ANKS1A: variants seen among roughly 807,000 people sequenced by gnomAD.
The protein encoded by ANKS1A is ankyrin repeat and sterile alpha motif domain containing 1A.
Under a neutral mutation model 120.3 loss-of-function variants are expected in ANKS1A, and 55 were observed. That is an observed-to-expected ratio of 0.46 (90% CI 0.37 to 0.57). The LOEUF is 0.57. Ranked by LOEUF, ANKS1A falls within the 20% of genes least tolerant of loss-of-function variation. The pLI, the probability that ANKS1A is intolerant of heterozygous loss-of-function variation, is 0.00. For missense variants in ANKS1A, 1,123 were observed against 1,480.3 expected (o/e 0.76, Z 3.96); for synonymous variants, 590 against 604.7 (o/e 0.98, Z 0.36).
chr6:35,080,865 C>A, intron 16 of ANKS1A, 129 bp from the exon 17 acceptor site: 1 of 1,139,190 alleles, frequency 8.8e-7, no homozygotes, highest in Non-Finnish European at 1.2e-6. Context: ...GTGGTGTTGG[C>A]CCCTTCGCTC....
rs1196338591 is a variant in ANKS1A at position 34,989,255 on chromosome 6, C to T, written c.1241C>T (p.Pro414Leu). 1.1e-5 allele frequency: 18 copies of T among 1,613,848 alleles called. No homozygotes were observed. Among genetic ancestry groups the T allele is most frequent in the East Asian group, 2.2e-5 (1 of 44,888 alleles). ...RERPPPPAKP[P>L]PDEEEEDHID... ...CGTCCACCACCTCCAGCAAAGCCACCGCCCGATGAAGAGGAAGAAGACCAC... is the reference window on the plus strand; with the variant it reads ...CGTCCACCACCTCCAGCAAAGCCACTGCCCGATGAAGAGGAAGAAGACCAC... Residue 414 changes from proline (P) to leucine (L), a missense_variant, in exon 9 of 24, where the codon CCG (proline) becomes CTG (leucine). By Grantham distance (98) the Pro-to-Leu change is moderately conservative (BLOSUM62 -3). Around this residue, in one of 3 missense-constraint regions of ANKS1A, gnomAD observed 904 missense variants for 1,130.4 expected, o/e 0.80. Coordinates refer to ENST00000360359, the MANE Select transcript of ANKS1A (RefSeq NM_015245.3).
At chr6:35,014,740 C>T (rs1773917744) in intron 10 of ANKS1A, among the ~76,000 whole-genome samples, 1 of 152,208 alleles carries the variant, frequency 6.6e-6, no homozygotes, top group South Asian at 2.1e-4. Context: ...CAGTAGAAGC[C>T]TGTGCTCCTT....
At chr6:34,927,430 G>A (rs1768772253) in intron 1 of ANKS1A, among the ~76,000 whole-genome samples, 1 of 152,072 alleles carries the variant, frequency 6.6e-6, no homozygotes, top group Non-Finnish European at 1.5e-5. Flanking sequence ...ATTGATAAAT[G>A]GGCACTAAAG....
Position 35,079,562 on chromosome 6 carries a change from C to T in ANKS1A, c.2330C>T (p.Ser777Phe). The part of the protein sequence containing the change: ...YDGNSPPSVP[S>F]WLDSLGLQDY... Reference sequence around the variant, plus strand: ...GGGAACAGCCCCCCTAGCGTGCCCTCCTGGCTGGACTCCCTGGGGCTGCAG... The same window carrying T: ...GGGAACAGCCCCCCTAGCGTGCCCTTCTGGCTGGACTCCCTGGGGCTGCAG... Residue 777 changes from serine (S) to phenylalanine (F), a missense_variant, in exon 15 of 24, where the codon TCC (serine) becomes TTC (phenylalanine). This residue lies in a region of ANKS1A where 904 missense variants were observed against 1,130.4 expected (regional missense o/e 0.80). Coordinates refer to ENST00000360359, the MANE Select transcript of ANKS1A (RefSeq NM_015245.3). 2.5e-6 allele frequency: 4 copies of T among 1,614,110 alleles called. No homozygotes were observed. The highest frequency in any genetic ancestry group is 3.4e-6 in the Non-Finnish European group (4 of 1,179,984).
At chr6:34,951,859 A>G (rs1770108167) in intron 1 of ANKS1A, among the ~76,000 whole-genome samples, 1 of 152,116 alleles carries the variant, frequency 6.6e-6, no homozygotes, top group Non-Finnish European at 1.5e-5. Flanking sequence ...TCTGGGACTC[A>G]TTTCCTCCCT....
At chr6:35,035,776 A>G (rs1775133953) in intron 11 of ANKS1A, among the ~76,000 whole-genome samples, 1 of 152,224 alleles carries the variant, frequency 6.6e-6, no homozygotes. Flanking sequence ...ACAGAATAAA[A>G]CAAGAGCGTT....
Position 35,058,665 on chromosome 6 carries a change from G to A in ANKS1A, c.2078-1482G>A, listed in dbSNP as rs1321056679. 1.3e-5 allele frequency: 2 copies of A among 152,404 alleles called. No individual in the cohort carries two copies. Among genetic ancestry groups the A allele is most frequent in the East Asian group, 3.9e-4 (2 of 5,192 alleles). 9.4% of individuals were successfully genotyped at this position (152,404 alleles called of 1,614,324 possible). A position where few individuals can be genotyped will look rare whatever the true frequency, so the allele number is the denominator to read the frequency against. ...GGCAGAATGACTTTCACCGTGTCAG[G>A]AGTTCACTGGAGGTGATGTGTTTAT... is the stretch of plus-strand genomic sequence containing the variant. On this transcript the variant is annotated intron_variant, in intron 12 of 23. Transcript: ENST00000360359. This position sits in a 1 kb window ranked among gnomAD's most constrained non-coding sequence, Gnocchi z 5.1.
chr6:35,019,142 G>A (rs1363833689), intron 11 of ANKS1A, among the ~76,000 whole-genome samples: 1 of 152,180 alleles, frequency 6.6e-6, no homozygotes, highest in Non-Finnish European at 1.5e-5. Context: ...GTCTCGCTGA[G>A]CAGAAGAATG....
At chr6:35,069,352 G>T (rs1776956104) in intron 13 of ANKS1A, among the ~76,000 whole-genome samples, 1 of 151,514 alleles carries the variant, frequency 6.6e-6, no homozygotes, top group Non-Finnish European at 1.5e-5. Context: ...GCCTCAGCAT[G>T]TGGGCTCTGG....
Position 34,902,853 on chromosome 6 carries a change from A to G in ANKS1A, c.197+13254A>G, listed in dbSNP as rs80349492. On this transcript the variant is annotated intron_variant, in intron 1 of 23. Transcript: ENST00000360359. The stretch of plus-strand genomic sequence containing the variant: ...TTCCTTATCCATTATGATCTGTTAG[A>G]CTTGCTATTGTCTTCAGTTACCATC... Among the ~76,000 whole-genome samples, 1,139 of 146,800 alleles carry G rather than the reference A, an allele frequency of 7.8e-3. 20 individuals are homozygous for G. Among genetic ancestry groups the G allele is most frequent in the African/African-American group, 0.026 (1,040 of 40,036 alleles).
Position 34,999,950 on chromosome 6 carries a change from CAG to C in ANKS1A, c.1423+5540_1423+5541del, listed in dbSNP as rs778801795. 5.2e-4 allele frequency among the ~76,000 whole-genome samples: 78 copies of C among 151,312 alleles called. No individual in the cohort carries two copies. The Middle Eastern group carries it at 0.01, about 20-fold the overall frequency. On this transcript the variant is annotated intron_variant, in intron 10 of 23. Coordinates refer to ENST00000360359, the MANE Select transcript of ANKS1A (RefSeq NM_015245.3). ...GAAGAGACAGAGGCAAAAGGAAAGTCAGAGAGAGAGAGACAGAAAGTCAAAGA... is the reference window on the plus strand; with the variant it reads ...GAAGAGACAGAGGCAAAAGGAAAGTCAGAGAGAGAGACAGAAAGTCAAAGA...
At chr6:35,074,061 C>T (rs34287779) in intron 13 of ANKS1A, among the ~76,000 whole-genome samples, 191 of 152,368 alleles carry the variant, frequency 1.3e-3, no homozygotes, top group Admixed American at 2.2e-3. Flanking sequence ...GCACACAGCC[C>T]GCCCTTCTGC....
At chr6:35,035,192 G>A (rs1775104462) in intron 11 of ANKS1A, among the ~76,000 whole-genome samples, 1 of 152,182 alleles carries the variant, frequency 6.6e-6, no homozygotes, top group Non-Finnish European at 1.5e-5. Flanking sequence ...CTTGGTGCTA[G>A]GTGCTGGGTG....
At chr6:34,972,139 G>A (rs1011253879) in intron 3 of ANKS1A, among the ~76,000 whole-genome samples, 1 of 152,076 alleles carries the variant, frequency 6.6e-6, no homozygotes, top group Admixed American at 6.6e-5. Context: ...CTTTGCTCAC[G>A]TTTGCCTTGA....
chr6:35,094,210 A>G (rs1318197596), downstream of ANKS1A, among the ~76,000 whole-genome samples: 2 of 152,268 alleles, frequency 1.3e-5, no homozygotes, highest in Non-Finnish European at 2.9e-5. Flanking sequence ...CCAAGTTTCA[A>G]TAGAAAATCA....
chr6:34,997,151 G>A (rs1043072610), intron 10 of ANKS1A, among the ~76,000 whole-genome samples: 1 of 151,270 alleles, frequency 6.6e-6, no homozygotes, highest in Non-Finnish European at 1.5e-5. Flanking sequence ...TATTGATTGT[G>A]AAGAATTGAT....
intron 8 of ANKS1A, among the ~76,000 whole-genome samples, chr6:34,988,457 G>A (rs367824183): frequency 2.6e-5 from 4 of 152,108 alleles, no homozygotes; most frequent in East Asian, 1.9e-4. Context: ...TTAGCCAGGC[G>A]TGGTGGCGGG....
chr6:34,984,388 G>A (rs1441434975), intron 7 of ANKS1A, among the ~76,000 whole-genome samples: 1 of 152,206 alleles, frequency 6.6e-6, no homozygotes, highest in Admixed American at 6.5e-5. Flanking sequence ...GGAGTGCAGG[G>A]AGATACGGGC....
rs147305937 is a variant in ANKS1A at position 35,030,471 on chromosome 6, T to C, written c.2010+12412T>C. Reference sequence around the variant, plus strand: ...AATTTGGAAGGAATCCTAGTTACCATGTAGTCCAGCTCCCTTATGAACAAA... The same window carrying C: ...AATTTGGAAGGAATCCTAGTTACCACGTAGTCCAGCTCCCTTATGAACAAA... On this transcript the variant is annotated intron_variant, in intron 11 of 23. Coordinates refer to ENST00000360359, the MANE Select transcript of ANKS1A (RefSeq NM_015245.3). 4.8e-3 allele frequency among the ~76,000 whole-genome samples: 734 copies of C among 152,332 alleles called. 5 individuals are homozygous for C. The highest frequency in any genetic ancestry group is 0.016 in the African/African-American group (679 of 41,568).
Sources: allele counts gnomAD v4.1 joint callset (sites outside exome capture counted in the v4.1 genomes callset), GRCh38; gene constraint gnomAD v4.1.1; regional missense constraint gnomAD v4.1.1; non-coding constraint Gnocchi (gnomAD v3.1); transcripts MANE v1.5; gene names NCBI Gene and HGNC (gene_info 2026-07-23, HGNC 2026-07-21).